Variants in SPSB1 observed in about 807,000 individuals in gnomAD.
SPSB1 encodes SPRY domain-containing SOCS box protein 1.
A neutral mutation model predicts 21.2 loss-of-function variants in SPSB1; 8 were observed. The observed-to-expected ratio is 0.38, with a 90% confidence interval of 0.22 to 0.68. The LOEUF is 0.68. Among genes scored for constraint, SPSB1 ranks in the 30% least tolerant of loss-of-function variants. SPSB1 has a pLI of 0.53. For missense variants in SPSB1, 242 were observed against 377.8 expected, an observed-to-expected ratio of 0.64 and a Z score of 2.98; for synonymous variants, 169 against 161.7, an observed-to-expected ratio of 1.05 and a Z score of -0.34.
chr1:9,337,483 A>T (rs186387573), intron 1 of SPSB1, among the ~76,000 whole-genome samples: 2 of 150,810 alleles, frequency 1.3e-5, no homozygotes, highest in East Asian at 3.9e-4. Flanking sequence ...GGGGACAGGA[A>T]GCCCTCTTTG....
At chr1:9,354,315 C>T (rs1640325286) in intron 1 of SPSB1, among the ~76,000 whole-genome samples, 1 of 152,198 alleles carries the variant, frequency 6.6e-6, no homozygotes, top group South Asian at 2.1e-4. Context: ...GCAGCCAAGG[C>T]TCCAACAGCC....
intron 1 of SPSB1, among the ~76,000 whole-genome samples, chr1:9,334,761 T>C (rs1269977928): frequency 2.6e-5 from 4 of 152,174 alleles, no homozygotes; most frequent in Non-Finnish European, 4.4e-5. Context: ...ATGGATCCGA[T>C]TGTCTTAGGT....
At chr1:9,296,430 T>A (rs559962677) in intron 1 of SPSB1, among the ~76,000 whole-genome samples, 3 of 152,346 alleles carry the variant, frequency 2.0e-5, no homozygotes, top group South Asian at 2.1e-4. Context: ...ATGGGCTCAT[T>A]TTTTTAGTGA....
chr1:9,336,268 C>T (rs1480475600), intron 1 of SPSB1, among the ~76,000 whole-genome samples: 1 of 152,070 alleles, frequency 6.6e-6, no homozygotes, highest in Non-Finnish European at 1.5e-5. Context: ...ACTCTTGTTG[C>T]CCAGGCTGGA....
chr1:9,369,071 A>C lies in SPSB1; in HGVS notation c.*1496A>C, dbSNP rs1008298636. The C allele has an allele frequency of 1.3e-5, 2 of 152,526 alleles. No homozygotes were observed. Among genetic ancestry groups the C allele is most frequent in the Admixed American group, 1.3e-4 (2 of 15,262 alleles). The allele number at this position is 152,526 out of a possible 1,614,324, so 9.4% of individuals were successfully genotyped here. On this transcript the variant is annotated 3_prime_UTR_variant, in exon 3 of 3. Coordinates refer to ENST00000328089, the MANE Select transcript of SPSB1 (RefSeq NM_025106.4). ...ATACATATATATATATTTGTCTGTA[A>C]GAATTATGTTTTAAACAGCTGCTGT...
At chr1:9,339,977 T>G (rs1273815113) in intron 1 of SPSB1, among the ~76,000 whole-genome samples, 1 of 146,878 alleles carries the variant, frequency 6.8e-6, no homozygotes, top group Non-Finnish European at 1.5e-5. Flanking sequence ...GCCCCCCACC[T>G]CGGGAGGACC....
In SPSB1 at chr1:9,345,650, T is replaced by C. The variant is rs1315230506; in HGVS notation, c.-149-10093T>C. On this transcript the variant is annotated intron_variant, in intron 1 of 2. Coordinates refer to ENST00000328089, the MANE Select transcript of SPSB1 (RefSeq NM_025106.4). The surrounding 1 kb of genome is among the most constrained non-coding windows in gnomAD (Gnocchi z 4.8). The stretch of plus-strand genomic sequence containing the variant: ...ACTATCATGCTGGTTTCCCAGGCCA[T>C]GGCTCCACTGATTCGAGCCCTCTGA... 1.3e-5 allele frequency among the ~76,000 whole-genome samples: 2 copies of C among 152,188 alleles called. No homozygotes were observed. Among genetic ancestry groups the C allele is most frequent in the African/African-American group, 4.8e-5 (2 of 41,448 alleles).
chr1:9,355,505 A>G (rs1640347061), intron 1 of SPSB1, among the ~76,000 whole-genome samples: 1 of 152,196 alleles, frequency 6.6e-6, no homozygotes, highest in Non-Finnish European at 1.5e-5. Flanking sequence ...CCCATCCCCC[A>G]AGCCCACCTC....
At position 9,297,435 on chromosome 1, in the gene SPSB1, G is replaced by A. The variant is rs1179607475; in HGVS notation, c.-150+4364G>A. On this transcript the variant is annotated intron_variant, in intron 1 of 2. Coordinates refer to ENST00000328089, the MANE Select transcript of SPSB1 (RefSeq NM_025106.4). ...CACCTTGCCAGACAGTCAGAGTGTG[G>A]CCAATCTGGTCACACCCTTTCCAAG... Among the ~76,000 whole-genome samples the A allele has an allele frequency of 2.0e-5, 3 of 152,222 alleles. No homozygotes were observed. The East Asian group carries it at 5.8e-4, about 29-fold the overall frequency.
chr1:9,309,261 G>GGGGAGAGAGA (rs1491287377), intron 1 of SPSB1, among the ~76,000 whole-genome samples: 28 of 147,168 alleles, frequency 1.9e-4, no homozygotes, highest in African/African-American at 6.2e-4. Context: ...GCTCCCCTGC[G>GGGGAGAGAGA]GAGAGAGAGA....
Position 9,293,112 on chromosome 1 carries a change from ACCGGC to A in SPSB1, c.-150+46_-150+50del. 4 of 973,690 alleles carry A rather than the reference ACCGGC, an allele frequency of 4.1e-6. No homozygotes were observed. The highest frequency in any genetic ancestry group is 4.9e-6 in the Non-Finnish European group (4 of 823,360). 60.3% of individuals were successfully genotyped at this position (973,690 alleles called of 1,614,324 possible). A position where few individuals can be genotyped will look rare whatever the true frequency, so the allele number is the denominator to read the frequency against. On this transcript the variant is annotated intron_variant, in intron 1 of 2. Coordinates refer to ENST00000328089, the MANE Select transcript of SPSB1 (RefSeq NM_025106.4). The surrounding 1 kb of genome is among the most constrained non-coding windows in gnomAD (Gnocchi z 5.1). ...CACCTGGGACCCCGATGGGTGGGCG[ACCGGC>A]CCGGGAGGGGGAGGCGCGGGGGGCC...
At chr1:9,302,061 C>T (rs1219005280) in intron 1 of SPSB1, among the ~76,000 whole-genome samples, 1 of 152,240 alleles carries the variant, frequency 6.6e-6, no homozygotes, top group African/African-American at 2.4e-5. Flanking sequence ...GGAAGTGTGG[C>T]ACTGGGATCA....
At chr1:9,318,670 G>A (rs1610407) in intron 1 of SPSB1, among the ~76,000 whole-genome samples, 3 of 152,250 alleles carry the variant, frequency 2.0e-5, no homozygotes, top group South Asian at 2.1e-4. Context: ...CTGGTGCCTC[G>A]GAGGCAGCTG....
chr1:9,306,587 G>C (rs555614649), intron 1 of SPSB1, among the ~76,000 whole-genome samples: 1 of 152,240 alleles, frequency 6.6e-6, no homozygotes, highest in East Asian at 1.9e-4. Context: ...GAAAAACTAG[G>C]GCAACTCTGG....
intron 2 of SPSB1, among the ~76,000 whole-genome samples, chr1:9,361,107 A>G (rs1336272896): frequency 6.8e-6 from 1 of 146,710 alleles, no homozygotes; most frequent in Non-Finnish European, 1.5e-5. Context: ...CCGGGAGCAG[A>G]GCATGACAGA....
intron 1 of SPSB1, among the ~76,000 whole-genome samples, chr1:9,334,714 G>A (rs547798680): frequency 1.1e-4 from 17 of 152,088 alleles, no homozygotes; most frequent in South Asian, 6.2e-4. Flanking sequence ...CCTGCTCCCC[G>A]GAGCTCCTGG....
In SPSB1 at chr1:9,367,767, C is replaced by A. The variant is rs1401424934; in HGVS notation, c.*192C>A. 10 of 820,508 alleles carry A rather than the reference C, an allele frequency of 1.2e-5. No individual in the cohort carries two copies. Among genetic ancestry groups the A allele is most frequent in the Non-Finnish European group, 1.8e-5 (10 of 540,652 alleles). The allele number at this position is 820,508 out of a possible 1,614,324, so 50.8% of individuals were successfully genotyped here. A position where few individuals can be genotyped will look rare whatever the true frequency, so the allele number is the denominator to read the frequency against. ...ATTCCAACACAGGCTCCTCTTTCCC[C>A]CTTCCCGACATCAGCAGAAGGCAGC... is the stretch of plus-strand genomic sequence containing the variant. On this transcript the variant is annotated 3_prime_UTR_variant, in exon 3 of 3. Transcript: ENST00000328089. This position sits in a 1 kb window ranked among gnomAD's most constrained non-coding sequence, Gnocchi z 5.9.
At chr1:9,355,629 G>A (rs1201875682) in intron 1 of SPSB1, 114 bp from the exon 2 acceptor site, 3 of 1,159,666 alleles carry the variant, frequency 2.6e-6, no homozygotes, top group Non-Finnish European at 3.3e-6. Context: ...AGGCATGACA[G>A]AGCCCAGGTG....
At chr1:9,344,714 G>A (rs1640142891) in intron 1 of SPSB1, among the ~76,000 whole-genome samples, 1 of 152,062 alleles carries the variant, frequency 6.6e-6, no homozygotes, top group Admixed American at 6.5e-5. Context: ...AGCCACCTGG[G>A]CCTCAGGGGG....
Sources: gnomAD v4.1 joint callset for allele counts (sites outside exome capture counted in the v4.1 genomes callset) on GRCh38, gnomAD v4.1.1 for gene constraint, Gnocchi (gnomAD v3.1) non-coding constraint, MANE v1.5 for transcripts, NCBI Gene and HGNC (gene_info 2026-07-23, HGNC 2026-07-21) for gene names.